ZFHX3: variants seen among roughly 807,000 people sequenced by gnomAD.
The protein encoded by ZFHX3 is zinc finger homeobox 3.
A neutral mutation model predicts 279.1 loss-of-function variants in ZFHX3; 42 were observed. The observed-to-expected ratio is 0.15, with a 90% CI of 0.12 to 0.19. The LOEUF is 0.19. Ranked by LOEUF, ZFHX3 falls within the 10% of genes least tolerant of loss-of-function variation. ZFHX3 has a pLI of 1.00. For synonymous variants in ZFHX3, 2,293 were observed against 1,957.8 expected (o/e 1.17, Z -4.52); for missense variants, 4,981 against 4,754.0 (o/e 1.05, Z -1.40).
intron 1 of ZFHX3, among the ~76,000 whole-genome samples, chr16:73,729,232 C>T (rs771441724): frequency 3.2e-4 from 49 of 152,182 alleles, no homozygotes; most frequent in Middle Eastern, 3.2e-3. Flanking sequence ...TCCCTTACAA[C>T]ACACCTGGGC....
At chr16:72,996,603 T>C (rs977440094) in intron 1 of ZFHX3, among the ~76,000 whole-genome samples, 7 of 152,190 alleles carry the variant, frequency 4.6e-5, no homozygotes, top group African/African-American at 1.7e-4. Context: ...CCATAACTGG[T>C]TGTGAGCCTA....
chr16:72,977,864 CTTTTT>C (rs1189530230), intron 1 of ZFHX3, among the ~76,000 whole-genome samples: 1 of 150,488 alleles, frequency 6.6e-6, no homozygotes, highest in African/African-American at 2.4e-5. Flanking sequence ...GATTTTTTTT[CTTTTT>C]TCTTTTTTTT....
chr16:73,699,895 C>G (rs2053231155), intron 1 of ZFHX3, among the ~76,000 whole-genome samples: 1 of 152,038 alleles, frequency 6.6e-6, no homozygotes, highest in Admixed American at 6.6e-5. Flanking sequence ...AAAATGATAA[C>G]AAGGATATTG....
Position 73,490,061 on chromosome 16 carries a change from A to G in ZFHX3, c.-1546-33803T>C, listed in dbSNP as rs1427305064. On this transcript the variant is annotated intron_variant, in intron 2 of 17. Transcript: ENST00000641206. ...AATTTCTGTTGTACAACCAATTTCTACAAAATTCCATTGCAGCTATTCAAA... is the reference window on the plus strand; with the variant it reads ...AATTTCTGTTGTACAACCAATTTCTGCAAAATTCCATTGCAGCTATTCAAA... Among the ~76,000 whole-genome samples, 4 of 152,254 alleles carry G rather than the reference A, an allele frequency of 2.6e-5. No homozygotes were observed. In the East Asian group the frequency reaches 7.7e-4, roughly 29 times the overall value.
At chr16:73,678,790 C>G (rs1182091331) in intron 2 of ZFHX3, among the ~76,000 whole-genome samples, 1 of 152,140 alleles carries the variant, frequency 6.6e-6, no homozygotes, top group Non-Finnish European at 1.5e-5. Context: ...ACATCATTTA[C>G]AGCTTGCTTC....
intron 1 of ZFHX3, among the ~76,000 whole-genome samples, chr16:73,007,208 T>C (rs1963737847): frequency 6.6e-6 from 1 of 152,260 alleles, no homozygotes; most frequent in African/African-American, 2.4e-5. Context: ...GACTGTTTTA[T>C]CTGGCATTTT....
At chr16:73,011,804 T>G (rs759856506) in intron 1 of ZFHX3, among the ~76,000 whole-genome samples, 6 of 150,410 alleles carry the variant, frequency 4.0e-5, no homozygotes, top group Non-Finnish European at 8.9e-5. Context: ...ACTGGGATAA[T>G]AAATGCAACC....
chr16:73,488,996 G>A (rs1009413667), intron 2 of ZFHX3, among the ~76,000 whole-genome samples: 1 of 152,142 alleles, frequency 6.6e-6, no homozygotes, highest in African/African-American at 2.4e-5. Flanking sequence ...AAAGTGTTTA[G>A]CATGGTATCA....
chr16:73,791,333 G>T (rs974130333), intron 1 of ZFHX3, among the ~76,000 whole-genome samples: 10 of 152,090 alleles, frequency 6.6e-5, no homozygotes, highest in Admixed American at 5.2e-4. Context: ...GTTCTCAAAC[G>T]GTAGTGTGCA....
At chr16:73,397,769 G>A (rs80133358) in intron 3 of ZFHX3, among the ~76,000 whole-genome samples, 121 of 150,868 alleles carry the variant, frequency 8.0e-4, no homozygotes, top group Non-Finnish European at 1.2e-3. Context: ...GGTGGGCAGT[G>A]GTGGTATTTG....
intron 4 of ZFHX3, among the ~76,000 whole-genome samples, chr16:73,295,685 C>T (rs2014891534): frequency 6.6e-6 from 1 of 152,118 alleles, no homozygotes; most frequent in Admixed American, 6.5e-5. Flanking sequence ...GATGGAGGGT[C>T]ACCAGGAAAA....
At chr16:73,742,543 G>A (rs60286575) in intron 1 of ZFHX3, among the ~76,000 whole-genome samples, 3,332 of 152,252 alleles carry the variant, frequency 0.022, 120 homozygotes, top group African/African-American at 0.077. Flanking sequence ...ATCCTTTAGT[G>A]ACACATAAAA....
chr16:73,099,167 C>T (rs976192213), intron 7 of ZFHX3: 2 of 152,204 alleles, frequency 1.3e-5, no homozygotes, highest in African/African-American at 4.8e-5. Flanking sequence ...AGTCTAAGTA[C>T]ACTTCCTGAA....
chr16:73,036,674 G>T (rs1349106303), intron 1 of ZFHX3, among the ~76,000 whole-genome samples: 1 of 152,064 alleles, frequency 6.6e-6, no homozygotes, highest in Non-Finnish European at 1.5e-5. Flanking sequence ...TGTATCAGGG[G>T]AACTGCCCCT....
At chr16:73,105,658 C>T (rs930421113) in intron 7 of ZFHX3, among the ~76,000 whole-genome samples, 14 of 152,026 alleles carry the variant, frequency 9.2e-5, no homozygotes, top group Non-Finnish European at 1.6e-4. Context: ...GAGGCTGAGG[C>T]AGGAGAATCA....
At chr16:73,650,038 T>A (rs2052656049) in intron 2 of ZFHX3, among the ~76,000 whole-genome samples, 1 of 152,072 alleles carries the variant, frequency 6.6e-6, no homozygotes, top group South Asian at 2.1e-4. Flanking sequence ...ATGAGAAAAA[T>A]AATGGTAACC....
chr16:73,461,979 G>T (rs1024399736), intron 2 of ZFHX3, among the ~76,000 whole-genome samples: 10 of 152,154 alleles, frequency 6.6e-5, no homozygotes, highest in Admixed American at 5.2e-4. Context: ...TCTTTCCTAT[G>T]CTGAGTCTTC....
At chr16:73,866,534 T>C (rs1193463947) in intron 1 of ZFHX3, among the ~76,000 whole-genome samples, 1 of 152,144 alleles carries the variant, frequency 6.6e-6, no homozygotes, top group Non-Finnish European at 1.5e-5. Context: ...GAAAAGTCCA[T>C]CACTTTTCAA....
chr16:73,765,242 A>G (rs2053917941), intron 1 of ZFHX3, among the ~76,000 whole-genome samples: 1 of 152,238 alleles, frequency 6.6e-6, no homozygotes, highest in African/African-American at 2.4e-5. Flanking sequence ...GGTTAGAAAA[A>G]AAAAGACAGA....
Sources: gnomAD v4.1 joint callset for allele counts (sites outside exome capture counted in the v4.1 genomes callset) on GRCh38, gnomAD v4.1.1 for gene constraint, MANE v1.5 for transcripts, NCBI Gene and HGNC (gene_info 2026-07-23, HGNC 2026-07-21) for gene names.